ACACA: variants seen among roughly 807,000 people sequenced by gnomAD.
ACACA encodes acetyl-CoA carboxylase alpha.
A neutral mutation model predicts 296.1 loss-of-function variants in ACACA; 103 were observed. The observed-to-expected ratio is 0.35, with a 90% CI of 0.30 to 0.41. ACACA has a LOEUF of 0.41. Among genes scored for constraint, ACACA ranks in the 10% least tolerant of loss-of-function variants. ACACA has a pLI of 1.00. For missense variants in ACACA, 1,554 were observed against 2,989.7 expected, an observed-to-expected ratio of 0.52 and a Z score of 11.20; for synonymous variants, 953 against 1,038.6, an observed-to-expected ratio of 0.92 and a Z score of 1.58.
At chr17:37,242,300 C>T (rs1410350684) in intron 22 of ACACA, among the ~76,000 whole-genome samples, 1 of 152,188 alleles carries the variant, frequency 6.6e-6, no homozygotes, top group African/African-American at 2.4e-5. Context: ...AAACTATCAT[C>T]TTACCAATAT....
chr17:37,208,589 A>T (rs2078612887), intron 30 of ACACA, among the ~76,000 whole-genome samples: 2 of 152,208 alleles, frequency 1.3e-5, no homozygotes, highest in Admixed American at 6.5e-5. Flanking sequence ...AGGGCAGAGC[A>T]TGGGTCTCAA....
chr17:37,127,125 C>T (rs1206200255), intron 47 of ACACA, among the ~76,000 whole-genome samples: 1 of 152,128 alleles, frequency 6.6e-6, no homozygotes, highest in East Asian at 1.9e-4. Flanking sequence ...TCATTTTATT[C>T]TGTGGATTTC....
chr17:37,218,147 CAAAAAAAAA>C (rs60487601), intron 29 of ACACA, among the ~76,000 whole-genome samples: 14 of 116,628 alleles, frequency 1.2e-4, no homozygotes, highest in Non-Finnish European at 2.4e-4. Context: ...CTACCAGTAA[CAAAAAAAAA>C]AAAAAAAAAA....
In ACACA at chr17:37,243,776, G is replaced by GA. The variant is rs572244081; in HGVS notation, c.2743-218dup. On this transcript the variant is annotated intron_variant, in intron 21 of 55. Coordinates refer to ENST00000616317, the MANE Select transcript of ACACA (RefSeq NM_198834.3). Reference sequence around the variant, plus strand: ...CTGTAATTTTGATCCATGTTTGGCTGAAAAAATCCACATATAAGTGGACCC... The same window carrying GA: ...CTGTAATTTTGATCCATGTTTGGCTGAAAAAAATCCACATATAAGTGGACCC... 1.4e-4 allele frequency among the ~76,000 whole-genome samples: 22 copies of GA among 152,246 alleles called. No individual in the cohort carries two copies. The East Asian group carries it at 3.7e-3, about 25-fold the overall frequency.
intron 2 of ACACA, among the ~76,000 whole-genome samples, chr17:37,335,951 G>A (rs187038764): frequency 1.3e-3 from 203 of 152,076 alleles, no homozygotes; most frequent in Non-Finnish European, 2.4e-3. Flanking sequence ...ATATAACGTA[G>A]AGCAAAGGAG....
At chr17:37,371,143 G>T (rs574998096) in intron 1 of ACACA, among the ~76,000 whole-genome samples, 4 of 151,968 alleles carry the variant, frequency 2.6e-5, no homozygotes, top group African/African-American at 4.8e-5. Context: ...GCAATGTCAC[G>T]ATCTCGGCTC....
chr17:37,228,130 AC>A (rs963966745), intron 25 of ACACA, among the ~76,000 whole-genome samples: 87 of 150,690 alleles, frequency 5.8e-4, no homozygotes, highest in African/African-American at 2.0e-3. Flanking sequence ...TTTTTCCAAA[AC>A]CCCTACCTTC....
At chr17:37,167,270 C>CTTTTTTT (rs11387933) in intron 41 of ACACA, among the ~76,000 whole-genome samples, 1 of 105,558 alleles carries the variant, frequency 9.5e-6, no homozygotes, top group Admixed American at 1.1e-4. Flanking sequence ...ATGGTATTTT[C>CTTTTTTT]TTTTTTTTTT....
In ACACA at chr17:37,086,028, C is replaced by T; in HGVS notation, c.*1288G>A. The T allele has an allele frequency of 2.6e-6, 1 of 385,906 alleles. No homozygotes were observed. The highest frequency in any genetic ancestry group is 4.6e-6 in the Non-Finnish European group (1 of 218,672). 23.9% of individuals were successfully genotyped at this position (385,906 alleles called of 1,614,324 possible). A position where few individuals can be genotyped will look rare whatever the true frequency, so the allele number is the denominator to read the frequency against. Reference sequence around the variant, plus strand: ...TGTTGAAAGTAAACTCTCTCCACCACCTGAGGAAGCCCCTGATGCCAGTCA... The same window carrying T: ...TGTTGAAAGTAAACTCTCTCCACCATCTGAGGAAGCCCCTGATGCCAGTCA... On this transcript the variant is annotated 3_prime_UTR_variant, in exon 56 of 56. Coordinates refer to ENST00000616317, the MANE Select transcript of ACACA (RefSeq NM_198834.3).
intron 1 of ACACA, among the ~76,000 whole-genome samples, chr17:37,374,289 C>CTT (rs754001129): frequency 5.7e-5 from 8 of 140,118 alleles, no homozygotes; most frequent in African/African-American, 1.8e-4. Flanking sequence ...TTTTTCTTTT[C>CTT]TTTTTTTTTT....
rs540121672 is a variant in ACACA at position 37,161,453 on chromosome 17, G to A, written c.5349+328C>T. The stretch of plus-strand genomic sequence containing the variant: ...TAAGGGATTTTGTTGATAATTGACC[G>A]TAAGTCCTGGAAGCCACAATTAAAT... On this transcript the variant is annotated intron_variant, in intron 42 of 55. Transcript: ENST00000616317. 2.2e-4 allele frequency: 71 copies of A among 324,890 alleles called. 2 individuals carry two copies. The Middle Eastern group carries it at 6.9e-3, about 31-fold the overall frequency. The allele number at this position is 324,890 out of a possible 1,614,324, so 20.1% of individuals were successfully genotyped here. A position where few individuals can be genotyped will look rare whatever the true frequency, so the allele number is the denominator to read the frequency against.
intron 1 of ACACA, among the ~76,000 whole-genome samples, chr17:37,372,611 C>T (rs1369065567): frequency 6.6e-6 from 1 of 152,056 alleles, no homozygotes; most frequent in African/African-American, 2.4e-5. Context: ...GTCAAGTGCT[C>T]CTTCTGCAGA....
intron 50 of ACACA, among the ~76,000 whole-genome samples, chr17:37,119,920 T>A (rs1038658189): frequency 1.4e-5 from 2 of 143,940 alleles, no homozygotes; most frequent in African/African-American, 2.7e-5. Context: ...TGAGATGGAG[T>A]CTTGCTCTGT....
intron 3 of ACACA, among the ~76,000 whole-genome samples, chr17:37,316,702 T>A (rs969579303): frequency 6.6e-6 from 1 of 152,126 alleles, no homozygotes; most frequent in Admixed American, 6.5e-5. Flanking sequence ...TGGGTATATA[T>A]CCAAAAGAAA....
intron 54 of ACACA, 125 bp from the exon 55 acceptor site, chr17:37,089,199 T>G: frequency 7.2e-7 from 1 of 1,389,560 alleles, no homozygotes; most frequent in East Asian, 2.3e-5. Context: ...TCTCCTTCAC[T>G]GTCAGCATCG....
intron 1 of ACACA, among the ~76,000 whole-genome samples, chr17:37,363,969 A>C (rs2147630056): frequency 6.6e-6 from 1 of 151,826 alleles, no homozygotes; most frequent in South Asian, 2.1e-4. Context: ...CTAAAAATAC[A>C]AAAAATTAGC....
intron 29 of ACACA, 99 bp from the exon 30 acceptor site, chr17:37,210,589 T>A (rs1019129700): frequency 8.8e-7 from 1 of 1,137,830 alleles, no homozygotes; most frequent in Non-Finnish European, 1.3e-6. Context: ...GGAGCTCCAG[T>A]TTGGCAGCTC....
At chr17:37,094,071 G>A (rs1417539729) in intron 54 of ACACA, among the ~76,000 whole-genome samples, 1 of 152,214 alleles carries the variant, frequency 6.6e-6, no homozygotes, top group Admixed American at 6.5e-5. Context: ...TAAGAATCAA[G>A]TGAGAAACCA....
chr17:37,314,455 T>C (rs2046989214), intron 3 of ACACA, among the ~76,000 whole-genome samples: 1 of 152,060 alleles, frequency 6.6e-6, no homozygotes, highest in South Asian at 2.1e-4. Flanking sequence ...TTAATTTCAA[T>C]GTAACAAACA....
Sources: allele counts gnomAD v4.1 joint callset (sites outside exome capture counted in the v4.1 genomes callset), GRCh38; gene constraint gnomAD v4.1.1; transcripts MANE v1.5; gene names NCBI Gene and HGNC (gene_info 2026-07-23, HGNC 2026-07-21).